The following GSE1 variants were observed in gnomAD, a reference collection of about 807,000 sequenced individuals.
The protein encoded by GSE1 is Gse1 coiled-coil protein.
Under a neutral mutation model 112.6 loss-of-function variants are expected in GSE1, and 32 were observed. The observed-to-expected ratio is 0.28, with a 90% CI of 0.21 to 0.38. The LOEUF (loss-of-function observed/expected upper bound fraction) is 0.38, where lower values mean the gene tolerates loss of function less well. GSE1 is among the 10% of genes least tolerant of loss of function. The probability of loss-of-function intolerance (pLI) is 1.00; values close to 1 mark genes in which losing one functional copy is unlikely to be tolerated. For missense variants in GSE1, 2,348 were observed against 1,699.2 expected, an observed-to-expected ratio of 1.38 and a Z score of -6.71; for synonymous variants, 1,115 against 735.6, an observed-to-expected ratio of 1.52 and a Z score of -8.35.
intron 1 of GSE1, among the ~76,000 whole-genome samples, chr16:85,205,946 C>T (rs897435042): frequency 6.6e-6 from 1 of 152,240 alleles, no homozygotes; most frequent in Non-Finnish European, 1.5e-5. Context: ...CCAGACACAG[C>T]TCCTCCCTCA....
Position 85,655,634 on chromosome 16 carries a change from GGTGT to G in GSE1, c.798-87_798-84del. The G allele has an allele frequency of 4.0e-6, 3 of 751,852 alleles. No homozygotes were observed. In the South Asian group the frequency reaches 5.4e-5, roughly 13 times the overall value. 46.6% of individuals were successfully genotyped at this position (751,852 alleles called of 1,614,324 possible). A position where few individuals can be genotyped will look rare whatever the true frequency, so the allele number is the denominator to read the frequency against. On this transcript the variant is annotated intron_variant, in intron 5 of 15. Transcript: ENST00000253458. ...TTGTCACGTTCCCCACGCTCAGGCA[GGTGT>G]GTGTACCTGGCTGAGACACACCTGT... is the stretch of plus-strand genomic sequence containing the variant.
intron 1 of GSE1, among the ~76,000 whole-genome samples, chr16:85,600,687 T>G (rs996622105): frequency 6.6e-6 from 1 of 151,990 alleles, no homozygotes. Context: ...GGGGCTGGCG[T>G]AGCATCGCAG....
intron 1 of GSE1, among the ~76,000 whole-genome samples, chr16:85,298,160 G>A (rs867005799): frequency 5.3e-5 from 8 of 152,308 alleles, no homozygotes; most frequent in Middle Eastern, 3.4e-3. Context: ...CGCAGTGCGG[G>A]GTGGGGCCTG....
intron 1 of GSE1, among the ~76,000 whole-genome samples, chr16:85,202,422 C>G (rs1179650207): frequency 6.6e-6 from 1 of 152,134 alleles, no homozygotes; most frequent in Non-Finnish European, 1.5e-5. Flanking sequence ...TGGGAGAGAG[C>G]GGGGGTGGGG....
At chr16:85,331,511 A>G (rs28452088) in intron 1 of GSE1, among the ~76,000 whole-genome samples, 4,333 of 107,124 alleles carry the variant, frequency 0.04, 162 homozygotes, top group African/African-American at 0.11. Flanking sequence ...GTATATATGT[A>G]TATATGTGTA....
chr16:85,479,641 G>A (rs958708685), intron 2 of GSE1, among the ~76,000 whole-genome samples: 3 of 152,118 alleles, frequency 2.0e-5, no homozygotes, highest in Non-Finnish European at 4.4e-5. Flanking sequence ...TTTTCAATTC[G>A]CTGAGTGTCG....
chr16:85,303,985 C>T (rs2045595963), intron 1 of GSE1, among the ~76,000 whole-genome samples: 1 of 152,184 alleles, frequency 6.6e-6, no homozygotes, highest in Non-Finnish European at 1.5e-5. Flanking sequence ...GAGAACAGGA[C>T]CCCAGTGGTC....
chr16:85,656,062 C>G (rs774930033), intron 6 of GSE1, 145 bp downstream of exon 6: 1 of 708,656 alleles, frequency 1.4e-6, no homozygotes, highest in Admixed American at 2.8e-5. Flanking sequence ...GGACAATGAT[C>G]GTTCAGGCTC....
At chr16:85,510,668 G>A (rs1181126928) in intron 2 of GSE1, among the ~76,000 whole-genome samples, 2 of 152,208 alleles carry the variant, frequency 1.3e-5, no homozygotes, top group Non-Finnish European at 2.9e-5. Context: ...CTTTGGCCTT[G>A]TTGTAGGAAC....
rs1327799274 is a variant in GSE1, at chr16:85,296,250, C to T, written c.2284-61213C>T. Among the ~76,000 whole-genome samples the T allele has an allele frequency of 5.3e-5, 8 of 152,118 alleles. No individual in the cohort carries two copies. In the East Asian group the frequency reaches 7.7e-4, roughly 15 times the overall value. The stretch of plus-strand genomic sequence containing the variant: ...CCAGTCTCTAACCACCTCCCACGCA[C>T]GGCTCATCATGTGTGAGCACGGACA... On this transcript the variant is annotated intron_variant, in intron 1 of 2. Transcript: ENST00000637419.
chr16:85,387,923 G>C (rs1342508174), intron 2 of GSE1, among the ~76,000 whole-genome samples: 3 of 151,486 alleles, frequency 2.0e-5, no homozygotes, highest in Non-Finnish European at 4.4e-5. Context: ...TGGGTGAGTG[G>C]ATGGATGGAT....
chr16:85,206,193 G>T (rs554449095), intron 1 of GSE1, among the ~76,000 whole-genome samples: 1 of 149,400 alleles, frequency 6.7e-6, no homozygotes, highest in African/African-American at 2.6e-5. Context: ...CACCCAGATG[G>T]GGGGGGCGCA....
chr16:85,565,479 C>T (rs2045707519), intron 1 of GSE1, among the ~76,000 whole-genome samples: 1 of 152,062 alleles, frequency 6.6e-6, no homozygotes. Context: ...GCAGGCCAGG[C>T]ACAGGGAGAT....
chr16:85,501,336 A>G (rs2051360010), intron 2 of GSE1, among the ~76,000 whole-genome samples: 2 of 146,372 alleles, frequency 1.4e-5, no homozygotes, highest in South Asian at 4.3e-4. Context: ...ATCTGCAAAG[A>G]TCCTGTTTCC....
intron 2 of GSE1, among the ~76,000 whole-genome samples, chr16:85,541,753 C>T (rs2044526450): frequency 6.6e-6 from 1 of 152,176 alleles, no homozygotes; most frequent in South Asian, 2.1e-4. Context: ...GGGAAGGGGC[C>T]CTGCATGGCA....
intron 1 of GSE1, among the ~76,000 whole-genome samples, chr16:85,578,598 C>T (rs545488298): frequency 1.4e-4 from 21 of 152,360 alleles, no homozygotes; most frequent in Non-Finnish European, 2.5e-4. Flanking sequence ...ACTTGCCCAG[C>T]ATCCCAGGGC....
At chr16:85,670,396 T>A (rs1454346331) in intron 14 of GSE1, among the ~76,000 whole-genome samples, 2 of 152,226 alleles carry the variant, frequency 1.3e-5, no homozygotes, top group Admixed American at 6.5e-5. Flanking sequence ...TTTTTCTTGA[T>A]GTTGCTCCAT....
At chr16:85,294,002 C>T (rs61708280) in intron 1 of GSE1, among the ~76,000 whole-genome samples, 10 of 152,340 alleles carry the variant, frequency 6.6e-5, no homozygotes, top group Non-Finnish European at 1.3e-4. Context: ...CCCCATGCTT[C>T]GAGGCGCCCT....
chr16:85,404,466 C>T (rs1379545849), intron 2 of GSE1, among the ~76,000 whole-genome samples: 1 of 41,162 alleles, frequency 2.4e-5, no homozygotes, highest in Admixed American at 2.0e-4. Flanking sequence ...TCAGGCCCCC[C>T]GGATAATCCT....
Sources: allele counts gnomAD v4.1 joint callset (sites outside exome capture counted in the v4.1 genomes callset), GRCh38; gene constraint gnomAD v4.1.1; transcripts MANE v1.5; gene names NCBI Gene and HGNC (gene_info 2026-07-23, HGNC 2026-07-21).